RBFOX1: variants seen among roughly 807,000 people sequenced by gnomAD.
RBFOX1 encodes the protein RNA binding fox-1 homolog 1, also known as RNA binding protein fox-1 homolog 1.
In RBFOX1, 8 loss-of-function variants were observed where a neutral mutation model predicts 57.7. The ratio of observed to expected loss-of-function variants is 0.14; its 90% CI spans 0.08 to 0.25. RBFOX1 has a LOEUF of 0.25. RBFOX1 is among the 10% of genes least tolerant of loss of function. RBFOX1 has a pLI of 1.00. For synonymous variants in RBFOX1, 326 were observed against 222.4 expected (o/e 1.47, Z -4.15); for missense variants, 611 against 548.5 (o/e 1.11, Z -1.14).
chr16:7,401,533 A>G (rs979438764), intron 4 of RBFOX1, among the ~76,000 whole-genome samples: 8 of 152,226 alleles, frequency 5.3e-5, no homozygotes, highest in Non-Finnish European at 1.0e-4. Context: ...AAAAAGATAG[A>G]AAAATAGTTA....
intron 4 of RBFOX1, among the ~76,000 whole-genome samples, chr16:7,063,883 T>G (rs1437025572): frequency 6.6e-6 from 1 of 152,236 alleles, no homozygotes; most frequent in Non-Finnish European, 1.5e-5. Flanking sequence ...TATGCAAATA[T>G]CACTCCATTT....
intron 7 of RBFOX1, among the ~76,000 whole-genome samples, chr16:7,594,440 G>A (rs952121537): frequency 7.2e-5 from 11 of 152,296 alleles, no homozygotes; most frequent in African/African-American, 1.7e-4. Context: ...GAAATTGTTC[G>A]AAAGGTTGGT....
At chr16:6,512,554 A>T (rs1199820706) in intron 2 of RBFOX1, among the ~76,000 whole-genome samples, 1 of 152,130 alleles carries the variant, frequency 6.6e-6, no homozygotes. Context: ...TAGACATTAC[A>T]CAAGAGCCTC....
chr16:6,155,166 T>C (rs912361618), intron 1 of RBFOX1, among the ~76,000 whole-genome samples: 3 of 152,316 alleles, frequency 2.0e-5, no homozygotes, highest in South Asian at 4.1e-4. Flanking sequence ...AAGGAAAAAG[T>C]AGTCCGGAGT....
At chr16:6,866,392 A>T (rs918648619) in intron 3 of RBFOX1, among the ~76,000 whole-genome samples, 1 of 152,020 alleles carries the variant, frequency 6.6e-6, no homozygotes, top group African/African-American at 2.4e-5. Context: ...AGAAGAAAAA[A>T]AATCAAACCT....
chr16:6,963,880 A>T (rs918783521), intron 3 of RBFOX1, among the ~76,000 whole-genome samples: 4 of 151,718 alleles, frequency 2.6e-5, no homozygotes, highest in African/African-American at 9.7e-5. Context: ...TTGTATTTTT[A>T]GTAGAGATGG....
intron 3 of RBFOX1, among the ~76,000 whole-genome samples, chr16:5,842,238 AT>A (rs1567613268): frequency 6.6e-6 from 1 of 152,180 alleles, no homozygotes; most frequent in African/African-American, 2.4e-5. Context: ...AATGGCGATG[AT>A]TTTCCTAGTG....
chr16:7,663,738 C>G (rs1031567828), intron 12 of RBFOX1, among the ~76,000 whole-genome samples: 1 of 152,156 alleles, frequency 6.6e-6, no homozygotes, highest in African/African-American at 2.4e-5. Context: ...TTGTAAATAA[C>G]TATGATCCTT....
chr16:7,159,025 C>T (rs764931533), intron 4 of RBFOX1, among the ~76,000 whole-genome samples: 1 of 151,844 alleles, frequency 6.6e-6, no homozygotes, highest in Non-Finnish European at 1.5e-5. Context: ...CTCACCCCTA[C>T]CCCCGTCCCT....
intron 4 of RBFOX1, among the ~76,000 whole-genome samples, chr16:5,934,357 G>A (rs1388252623): frequency 6.6e-6 from 1 of 152,138 alleles, no homozygotes; most frequent in Admixed American, 6.5e-5. Context: ...CTTATTTTAT[G>A]GTTATTCTTT....
chr16:6,850,023 T>C (rs1204659619), intron 3 of RBFOX1, among the ~76,000 whole-genome samples: 1 of 152,212 alleles, frequency 6.6e-6, no homozygotes, highest in Non-Finnish European at 1.5e-5. Context: ...ACATCTTTTT[T>C]CTCAAAGAAA....
chr16:7,199,155 G>A (rs1156682466), intron 4 of RBFOX1, among the ~76,000 whole-genome samples: 1 of 152,088 alleles, frequency 6.6e-6, no homozygotes, highest in Non-Finnish European at 1.5e-5. Context: ...TGAGAAAATT[G>A]GAAATGGATG....
intron 3 of RBFOX1, among the ~76,000 whole-genome samples, chr16:5,861,906 C>G (rs1377532483): frequency 1.3e-5 from 2 of 152,162 alleles, no homozygotes; most frequent in Non-Finnish European, 2.9e-5. Context: ...GTTAGTCCTT[C>G]TGGTTGCTGC....
At chr16:6,956,381 A>C (rs1364872458) in intron 3 of RBFOX1, among the ~76,000 whole-genome samples, 1 of 152,182 alleles carries the variant, frequency 6.6e-6, no homozygotes, top group Admixed American at 6.5e-5. Context: ...TCAAGACTGG[A>C]CTCAAGGGGA....
At chr16:5,656,978 T>C (rs1162880162) in intron 3 of RBFOX1, among the ~76,000 whole-genome samples, 1 of 152,150 alleles carries the variant, frequency 6.6e-6, no homozygotes, top group Non-Finnish European at 1.5e-5. Flanking sequence ...AAATATTTAA[T>C]GCGTGCGGGG....
At chr16:7,130,967 GT>G (rs2070180484) in intron 4 of RBFOX1, among the ~76,000 whole-genome samples, 1 of 152,174 alleles carries the variant, frequency 6.6e-6, no homozygotes, top group Non-Finnish European at 1.5e-5. Flanking sequence ...ATAAGTGAAG[GT>G]GATCAGTTTT....
chr16:5,490,865 T>G (rs1345310530), intron 2 of RBFOX1, among the ~76,000 whole-genome samples: 1 of 152,156 alleles, frequency 6.6e-6, no homozygotes, highest in Non-Finnish European at 1.5e-5. Context: ...ATTAATCTCT[T>G]AACAACAAGG....
intron 2 of RBFOX1, among the ~76,000 whole-genome samples, chr16:6,544,084 G>C (rs988415019): frequency 2.0e-5 from 3 of 152,188 alleles, no homozygotes; most frequent in Non-Finnish European, 4.4e-5. Context: ...TCTGGCCCAT[G>C]AGCTGTTTGA....
intron 2 of RBFOX1, among the ~76,000 whole-genome samples, chr16:6,522,586 G>A (rs2096522945): frequency 6.6e-6 from 1 of 152,162 alleles, no homozygotes; most frequent in Non-Finnish European, 1.5e-5. Context: ...GTGTGAGGGT[G>A]GCTTGTAAAG....
Sources: allele counts gnomAD v4.1 joint callset (sites outside exome capture counted in the v4.1 genomes callset), GRCh38; gene constraint gnomAD v4.1.1; transcripts MANE v1.5; gene names NCBI Gene and HGNC (gene_info 2026-07-23, HGNC 2026-07-21).